Variants in ITFG2 observed in about 807,000 individuals in gnomAD.
The protein encoded by ITFG2 is integrin alpha FG-GAP repeat containing 2.
ITFG2 carries 36 observed loss-of-function variants against 54.4 expected under a neutral mutation model. The ratio of observed to expected loss-of-function variants is 0.66; its 90% CI spans 0.51 to 0.87. The LOEUF (loss-of-function observed/expected upper bound fraction) is 0.87, where lower values mean the gene tolerates loss of function less well. ITFG2 is among the 40% of genes least tolerant of loss of function. The pLI is 0.00. For synonymous variants in ITFG2, 211 were observed against 225.4 expected (o/e 0.94, Z 0.57); for missense variants, 524 against 576.7 (o/e 0.91, Z 0.94).
At chr12:2,817,382 G>GGT in intron 2 of ITFG2, 64 bp downstream of exon 2, 1 of 1,170,534 alleles carries the variant, frequency 8.5e-7, no homozygotes, top group Non-Finnish European at 1.3e-6. Context: ...GGACCACCTA[G>GGT]GGTGAGCCCC....
chr12:2,833,647 A>G (rs751568752), upstream of ITFG2, among the ~76,000 whole-genome samples: 4 of 152,120 alleles, frequency 2.6e-5, no homozygotes, highest in Non-Finnish European at 5.9e-5. Flanking sequence ...AGTGCTCCCA[A>G]GCCTTTCTAC....
intron 2 of ITFG2, among the ~76,000 whole-genome samples, chr12:2,851,341 A>G (rs2098070241): frequency 6.6e-6 from 1 of 151,998 alleles, no homozygotes; most frequent in Admixed American, 6.6e-5. Context: ...TGGTGACACT[A>G]AATTTATTTA....
At chr12:2,855,836 C>G (rs2098085551) in intron 2 of ITFG2, among the ~76,000 whole-genome samples, 1 of 152,116 alleles carries the variant, frequency 6.6e-6, no homozygotes, top group African/African-American at 2.4e-5. Context: ...ATGCTCCCTA[C>G]CATGCCAAGG....
intron 2 of ITFG2, among the ~76,000 whole-genome samples, chr12:2,844,109 A>G (rs899748260): frequency 7.6e-6 from 1 of 130,722 alleles, no homozygotes; most frequent in African/African-American, 3.1e-5. Flanking sequence ...ACAAAAAAAA[A>G]TAGCCAGGCA....
At chr12:2,851,045 T>C (rs1429610302) in intron 2 of ITFG2, among the ~76,000 whole-genome samples, 3 of 139,028 alleles carry the variant, frequency 2.2e-5, no homozygotes, top group African/African-American at 8.0e-5. Flanking sequence ...CACGTGCCTG[T>C]AATCCCAGCT....
downstream of ITFG2, chr12:2,830,967 C>CCA (rs2097999592): frequency 5.8e-6 from 7 of 1,205,770 alleles, no homozygotes; most frequent in African/African-American, 4.8e-5. Flanking sequence ...ACCCCCCCAG[C>CCA]CCTGAGCCTT....
chr12:2,834,593 T>C (rs1565434998), upstream of ITFG2: 5 of 1,525,186 alleles, frequency 3.3e-6, no homozygotes, highest in Non-Finnish European at 4.4e-6. Context: ...ATCTGGGAAG[T>C]GGAAGGAAAA....
chr12:2,851,007 CAG>C (rs1489042059), intron 2 of ITFG2, among the ~76,000 whole-genome samples: 2 of 100,330 alleles, frequency 2.0e-5, no homozygotes, highest in Non-Finnish European at 3.6e-5. Flanking sequence ...TTTTTTGAGA[CAG>C]AGTCTCGCTT....
In ITFG2 at chr12:2,821,340, A is replaced by G; in HGVS notation, c.774A>G (p.Leu258=). Residue 258 remains leucine, a synonymous_variant, in exon 7 of 12, where the codon CTA becomes CTG. Coordinates refer to ENST00000228799, the MANE Select transcript of ITFG2 (RefSeq NM_018463.4). ...RIHNKNVSTH[L]IGNIKQGHGT... ...ACAACAAGAATGTCTCCACTCACCTAATTGGCAACATCAAACAAGGTGAAA... is the reference window on the plus strand; with the variant it reads ...ACAACAAGAATGTCTCCACTCACCTGATTGGCAACATCAAACAAGGTGAAA... 1 of 1,608,636 alleles carries G rather than the reference A, an allele frequency of 6.2e-7. No individual in the cohort carries two copies. The highest frequency in any genetic ancestry group is 1.3e-5 in the African/African-American group (1 of 74,922).
chr12:2,844,200 A>G (rs201875106), intron 2 of ITFG2, among the ~76,000 whole-genome samples: 22 of 127,788 alleles, frequency 1.7e-4, no homozygotes, highest in East Asian at 3.9e-4. Flanking sequence ...AGAGGTTGCA[A>G]TGAGCTGAGA....
downstream of ITFG2, chr12:2,826,094 A>G (rs992117382): frequency 6.6e-6 from 1 of 151,978 alleles, no homozygotes; most frequent in African/African-American, 2.4e-5. Flanking sequence ...ATGATTTGAG[A>G]GACTCAAACC....
intron 2 of ITFG2, 137 bp from the exon 3 acceptor site, chr12:2,817,772 A>G (rs2097926521): frequency 7.6e-6 from 6 of 788,516 alleles, no homozygotes; most frequent in Non-Finnish European, 1.2e-5. Context: ...AATAAAGACC[A>G]TCACCATGGT....
intron 1 of ITFG2, among the ~76,000 whole-genome samples, chr12:2,839,771 C>T (rs1192524155): frequency 6.6e-6 from 1 of 151,966 alleles, no homozygotes; most frequent in East Asian, 1.9e-4. Flanking sequence ...TAGTATGGAG[C>T]CATAAAAAAT....
At chr12:2,836,454 A>G (rs1341701477), upstream of ITFG2, among the ~76,000 whole-genome samples, 7 of 152,234 alleles carry the variant, frequency 4.6e-5, no homozygotes, top group Non-Finnish European at 8.8e-5. Flanking sequence ...TCCAAGGCAC[A>G]TGTACTTTCA....
chr12:2,818,083 T>C lies in ITFG2; in HGVS notation c.235-23T>C, dbSNP rs751233922. The C allele has an allele frequency of 1.9e-5, 31 of 1,613,182 alleles. No homozygotes were observed. In the South Asian group the frequency reaches 2.6e-4, roughly 14 times the overall value. On this transcript the variant is annotated intron_variant, in intron 3 of 11. Coordinates refer to ENST00000228799, the MANE Select transcript of ITFG2 (RefSeq NM_018463.4). ...CAAAACTCCCTCCCCAGTCCATCTC[T>C]ACTATACCTCTGTTTGTCCTAGAAC...
upstream of ITFG2, among the ~76,000 whole-genome samples, chr12:2,833,212 A>G (rs577732911): frequency 1.4e-4 from 21 of 152,146 alleles, 1 homozygote; most frequent in South Asian, 3.3e-3. Context: ...CGGGATGGCA[A>G]TGTCAGTAGA....
chr12:2,832,864 T>A (rs1349976084), upstream of ITFG2, among the ~76,000 whole-genome samples: 1 of 151,374 alleles, frequency 6.6e-6, no homozygotes, highest in Non-Finnish European at 1.5e-5. Context: ...CTTAGATTAA[T>A]GAGGCCCTTG....
At chr12:2,844,248 CCT>C (rs1312579178) in intron 2 of ITFG2, among the ~76,000 whole-genome samples, 1 of 151,004 alleles carries the variant, frequency 6.6e-6, no homozygotes, top group Non-Finnish European at 1.5e-5. Flanking sequence ...AGAGTGAGAC[CCT>C]GTCTCAAAAA....
chr12:2,833,749 A>C (rs939583994), upstream of ITFG2, among the ~76,000 whole-genome samples: 2 of 152,202 alleles, frequency 1.3e-5, no homozygotes, highest in African/African-American at 4.8e-5. Context: ...AATAGCATTT[A>C]GATAGTGCCT....
Sources: gnomAD v4.1 joint callset for allele counts (sites outside exome capture counted in the v4.1 genomes callset) on GRCh38, gnomAD v4.1.1 for gene constraint, MANE v1.5 for transcripts, NCBI Gene and HGNC (gene_info 2026-07-23, HGNC 2026-07-21) for gene names.